Variants in IL12RB2 observed in about 807,000 individuals in gnomAD.
IL12RB2 encodes the protein interleukin 12 receptor subunit beta 2, also known as interleukin-12 receptor subunit beta-2.
Under a neutral mutation model 89.4 loss-of-function variants are expected in IL12RB2, and 82 were observed. The ratio of observed to expected loss-of-function variants is 0.92; its 90% CI spans 0.77 to 1.10. The LOEUF (loss-of-function observed/expected upper bound fraction) is 1.10. Among genes scored for constraint, IL12RB2 ranks in the 50% least tolerant of loss-of-function variants. The pLI is 0.00. For missense variants in IL12RB2, 963 were observed against 1,031.9 expected, an observed-to-expected ratio of 0.93 and a Z score of 0.92; for synonymous variants, 368 against 370.1, an observed-to-expected ratio of 0.99 and a Z score of 0.07.
At chr1:67,389,533 C>T (rs1005774285) in intron 15 of IL12RB2, among the ~76,000 whole-genome samples, 1 of 152,040 alleles carries the variant, frequency 6.6e-6, no homozygotes, top group African/African-American at 2.4e-5. Context: ...CAGATATTTC[C>T]CTATAATACT....
intron 16 of IL12RB2, among the ~76,000 whole-genome samples, chr1:67,393,844 C>G (rs944929001): frequency 2.0e-5 from 3 of 151,912 alleles, no homozygotes; most frequent in African/African-American, 7.2e-5. Flanking sequence ...GGACTAGTCC[C>G]CAGGGTGTGC....
chr1:67,317,882 C>G (rs1655984391), intron 2 of IL12RB2, among the ~76,000 whole-genome samples: 1 of 152,076 alleles, frequency 6.6e-6, no homozygotes, highest in Non-Finnish European at 1.5e-5. Context: ...AGACAGATGA[C>G]AAACAAGTAA....
At chr1:67,345,537 G>A (rs1660121364) in intron 9 of IL12RB2, among the ~76,000 whole-genome samples, 1 of 152,178 alleles carries the variant, frequency 6.6e-6, no homozygotes, top group Non-Finnish European at 1.5e-5. Context: ...ATTGATGTAG[G>A]ACAAAGGTCT....
intron 1 of IL12RB2, among the ~76,000 whole-genome samples, chr1:67,312,811 C>T (rs147466111): frequency 6.6e-6 from 1 of 151,518 alleles, no homozygotes; most frequent in East Asian, 1.9e-4. Context: ...TAAAGAGGAA[C>T]CATAGGACAG....
chr1:67,344,575 G>C (rs1349015855), intron 9 of IL12RB2, among the ~76,000 whole-genome samples: 2 of 152,230 alleles, frequency 1.3e-5, no homozygotes, highest in Non-Finnish European at 2.9e-5. Flanking sequence ...TTACAGGCAT[G>C]AGCAACGGCT....
intron 1 of IL12RB2, among the ~76,000 whole-genome samples, chr1:67,313,711 A>T (rs539567810): frequency 2.0e-5 from 3 of 152,280 alleles, no homozygotes; most frequent in African/African-American, 7.2e-5. Context: ...TTATAGTCCC[A>T]GCTGCTCAGG....
intron 1 of IL12RB2, among the ~76,000 whole-genome samples, chr1:67,309,032 A>G (rs1156362780): frequency 1.4e-5 from 2 of 147,244 alleles, no homozygotes; most frequent in African/African-American, 2.5e-5. Context: ...AAATAAATAC[A>G]TACATACATA....
chr1:67,386,580 TA>T lies in IL12RB2; in HGVS notation c.1860del (p.Ala621ProfsTer34). The T allele has an allele frequency of 6.2e-7, 1 of 1,610,748 alleles. No individual in the cohort carries two copies. The highest frequency in any genetic ancestry group is 8.5e-7 in the Non-Finnish European group (1 of 1,176,974). ...TCACAGGATTTCCTAACTTTTCAGG[TA>T]AAGCCAATTGGATGGCGTTTGTGGC... ...GNEREFCLQG[K>X]ANWMAFVAPS... On this transcript the variant is annotated frameshift_variant and splice_region_variant, in exon 15 of 17. Coordinates refer to ENST00000674203, the MANE Select transcript of IL12RB2 (RefSeq NM_001374259.2). LOFTEE classifies it high-confidence loss of function.
intron 16 of IL12RB2, among the ~76,000 whole-genome samples, chr1:67,390,946 C>A (rs189633935): frequency 6.6e-6 from 1 of 152,216 alleles, no homozygotes; most frequent in Non-Finnish European, 1.5e-5. Flanking sequence ...TATGTTCTGT[C>A]ATCCACACCC....
At chr1:67,362,572 C>CAAAAAAAAAAAAAAA (rs956277979) in intron 10 of IL12RB2, among the ~76,000 whole-genome samples, 5 of 43,322 alleles carry the variant, frequency 1.2e-4, no homozygotes, top group African/African-American at 2.0e-4. Context: ...GACTCCGTCT[C>CAAAAAAAAAAAAAAA]AAAAAAAAAA....
intron 16 of IL12RB2, among the ~76,000 whole-genome samples, chr1:67,394,447 T>G (rs1268777958): frequency 1.3e-5 from 2 of 152,146 alleles, no homozygotes; most frequent in African/African-American, 4.8e-5. Context: ...GAAGAGCTGG[T>G]CACCGGCAGA....
At chr1:67,375,408 T>C (rs1663849202) in intron 13 of IL12RB2, among the ~76,000 whole-genome samples, 1 of 151,518 alleles carries the variant, frequency 6.6e-6, no homozygotes, top group Non-Finnish European at 1.5e-5. Flanking sequence ...GAGTGAAAAA[T>C]AAAAAGGAAA....
chr1:67,391,697 C>T (rs1047143858), intron 16 of IL12RB2, among the ~76,000 whole-genome samples: 8 of 151,016 alleles, frequency 5.3e-5, no homozygotes, highest in African/African-American at 9.7e-5. Context: ...AGTGCAGTGG[C>T]GCAATCTCGG....
chr1:67,386,371 T>C (rs1665147052), intron 14 of IL12RB2, among the ~76,000 whole-genome samples: 1 of 152,170 alleles, frequency 6.6e-6, no homozygotes, highest in Non-Finnish European at 1.5e-5. Flanking sequence ...AGGAGCCCTG[T>C]AGGGCCAGAG....
At chr1:67,384,458 C>G (rs1664930664) in intron 14 of IL12RB2, among the ~76,000 whole-genome samples, 1 of 152,222 alleles carries the variant, frequency 6.6e-6, no homozygotes, top group African/African-American at 2.4e-5. Flanking sequence ...ATTTTTCCCT[C>G]CTAGGCCTCC....
At position 67,346,709 on chromosome 1, in the gene IL12RB2, C is replaced by A. The variant is rs559543502; in HGVS notation, c.1039-4161C>A. Among the ~76,000 whole-genome samples the A allele has an allele frequency of 2.6e-5, 4 of 152,180 alleles. No homozygotes were observed. The South Asian group carries it at 8.3e-4, about 32-fold the overall frequency. ...CCAAGGGTTGTCTTTTGAATCACTT[C>A]ATTTGGACTGGGGTTGCAAAAGGCA... On this transcript the variant is annotated intron_variant, in intron 9 of 16. Transcript: ENST00000674203.
At chr1:67,386,275 G>T (rs572878531) in intron 14 of IL12RB2, among the ~76,000 whole-genome samples, 1 of 150,712 alleles carries the variant, frequency 6.6e-6, no homozygotes, top group South Asian at 2.1e-4. Flanking sequence ...ATCTGCTAGC[G>T]GCACAGCCAG....
chr1:67,322,947 G>A (rs1443339050), intron 4 of IL12RB2, among the ~76,000 whole-genome samples: 1 of 152,190 alleles, frequency 6.6e-6, no homozygotes, highest in Non-Finnish European at 1.5e-5. Context: ...GGATTCCATG[G>A]CACCCTGTGC....
At chr1:67,386,828 A>T (rs1665202173) in intron 15 of IL12RB2, among the ~76,000 whole-genome samples, 159 bp downstream of exon 15, 1 of 147,068 alleles carries the variant, frequency 6.8e-6, no homozygotes, top group Non-Finnish European at 1.5e-5. Flanking sequence ...CAAATCCTTA[A>T]AAATATATCT....
Sources: allele counts gnomAD v4.1 joint callset (sites outside exome capture counted in the v4.1 genomes callset), GRCh38; gene constraint gnomAD v4.1.1; transcripts MANE v1.5; gene names NCBI Gene and HGNC (gene_info 2026-07-23, HGNC 2026-07-21).